Variants in ATP2C1 observed in about 807,000 individuals in gnomAD.
ATP2C1 encodes ATPase secretory pathway Ca2+ transporting 1.
Under a neutral mutation model 120.5 loss-of-function variants are expected in ATP2C1, and 31 were observed. The ratio of observed to expected loss-of-function variants is 0.26; its 90% CI spans 0.19 to 0.35. ATP2C1 has a LOEUF of 0.35. ATP2C1 is among the 10% of genes least tolerant of loss of function. The pLI is 1.00. For synonymous variants in ATP2C1, 351 were observed against 358.7 expected, an observed-to-expected ratio of 0.98 and a Z score of 0.24; for missense variants, 731 against 1,107.5, an observed-to-expected ratio of 0.66 and a Z score of 4.83.
At chr3:131,011,053 A>T (rs1306685077) in intron 26 of ATP2C1, among the ~76,000 whole-genome samples, 3 of 152,230 alleles carry the variant, frequency 2.0e-5, no homozygotes, top group Admixed American at 6.5e-5. Context: ...CAACTGAGGC[A>T]TAGTCATTGA....
intron 3 of ATP2C1, 40 bp from the exon 4 acceptor site, chr3:130,931,982 G>A (rs771043042): frequency 1.5e-6 from 2 of 1,295,770 alleles, no homozygotes; most frequent in South Asian, 2.4e-5. Flanking sequence ...TCTTTTCTGT[G>A]CTAACATTTT....
At chr3:130,941,521 A>T in intron 7 of ATP2C1, 70 bp from the exon 8 acceptor site, 1 of 1,315,256 alleles carries the variant, frequency 7.6e-7, no homozygotes, top group Non-Finnish European at 1.1e-6. Context: ...GCCTACTGGA[A>T]ATAATTTTTT....
chr3:130,978,118 C>T (rs1226161533), intron 18 of ATP2C1, among the ~76,000 whole-genome samples: 1 of 152,164 alleles, frequency 6.6e-6, no homozygotes. Flanking sequence ...ATATTTTTGT[C>T]ACTGTCCCCT....
intron 27 of ATP2C1, among the ~76,000 whole-genome samples, chr3:131,000,977 C>T (rs527951291): frequency 2.0e-5 from 3 of 152,132 alleles, no homozygotes; most frequent in Admixed American, 6.5e-5. Context: ...ATGGCACATG[C>T]CTGTAATCCC....
intron 8 of ATP2C1, among the ~76,000 whole-genome samples, chr3:130,952,860 G>C (rs1431392584): frequency 6.6e-6 from 1 of 152,164 alleles, no homozygotes; most frequent in African/African-American, 2.4e-5. Flanking sequence ...TCCACCCTGT[G>C]TTTGAGGTGG....
At chr3:130,961,544 T>A (rs939208308) in intron 12 of ATP2C1, among the ~76,000 whole-genome samples, 1 of 151,992 alleles carries the variant, frequency 6.6e-6, no homozygotes, top group South Asian at 2.1e-4. Context: ...ACTAAAACAA[T>A]AAGAAAGCAG....
At chr3:130,885,559 T>C (rs1354596365) in intron 1 of ATP2C1, among the ~76,000 whole-genome samples, 1 of 152,130 alleles carries the variant, frequency 6.6e-6, no homozygotes. Flanking sequence ...CCCATTATTT[T>C]AAACTTAAGA....
At chr3:130,987,660 G>A (rs912555641) in intron 20 of ATP2C1, among the ~76,000 whole-genome samples, 2 of 152,148 alleles carry the variant, frequency 1.3e-5, no homozygotes, top group African/African-American at 4.8e-5. Flanking sequence ...ACATCAGTTT[G>A]AATAACTTTT....
At chr3:131,007,963 G>T (rs1383679916), downstream of ATP2C1, among the ~76,000 whole-genome samples, 1 of 152,164 alleles carries the variant, frequency 6.6e-6, no homozygotes, top group Non-Finnish European at 1.5e-5. Flanking sequence ...TCCTATTCCT[G>T]TCTCATTCAT....
chr3:131,006,650 T>C (rs2063127917), downstream of ATP2C1, among the ~76,000 whole-genome samples: 1 of 145,802 alleles, frequency 6.9e-6, no homozygotes, highest in South Asian at 2.2e-4. Flanking sequence ...TGTGTGTGTG[T>C]GTGTGTGTGT....
At chr3:130,951,263 A>G (rs2108528440) in intron 8 of ATP2C1, among the ~76,000 whole-genome samples, 1 of 152,310 alleles carries the variant, frequency 6.6e-6, no homozygotes, top group African/African-American at 2.4e-5. Context: ...CCTCTAAATA[A>G]TTAAGAGGAA....
chr3:130,989,247 CA>C (rs71133625), intron 20 of ATP2C1, among the ~76,000 whole-genome samples: 92 of 121,956 alleles, frequency 7.5e-4, no homozygotes, highest in African/African-American at 2.5e-3. Context: ...AAATCCATCT[CA>C]AAAAAAAAAA....
chr3:130,962,618 C>T (rs752018223), intron 12 of ATP2C1, among the ~76,000 whole-genome samples: 1 of 145,986 alleles, frequency 6.8e-6, no homozygotes. Context: ...TATTCCTCTG[C>T]AAAGTTTTGC....
At chr3:130,897,152 A>G (rs1408079599) in intron 2 of ATP2C1, among the ~76,000 whole-genome samples, 2 of 152,232 alleles carry the variant, frequency 1.3e-5, no homozygotes, top group African/African-American at 2.4e-5. Flanking sequence ...GAACAGTAGT[A>G]GCCAAATGCT....
chr3:130,858,183 C>G (rs2067905314), intron 1 of ATP2C1, among the ~76,000 whole-genome samples: 1 of 152,132 alleles, frequency 6.6e-6, no homozygotes, highest in African/African-American at 2.4e-5. Flanking sequence ...GTCTGCCTCT[C>G]CCTGTCCACT....
chr3:130,864,287 G>C (rs1488509906), intron 1 of ATP2C1, among the ~76,000 whole-genome samples: 1 of 152,174 alleles, frequency 6.6e-6, no homozygotes, highest in Non-Finnish European at 1.5e-5. Context: ...ACTTAAGAAA[G>C]ATGATTTAGG....
At chr3:130,895,972 G>A (rs932307136) in intron 2 of ATP2C1, among the ~76,000 whole-genome samples, 1 of 152,196 alleles carries the variant, frequency 6.6e-6, no homozygotes, top group Non-Finnish European at 1.5e-5. Context: ...ACATTTGAAA[G>A]CAGTGATGTT....
chr3:130,897,653 T>C (rs1385559191), intron 2 of ATP2C1, among the ~76,000 whole-genome samples: 1 of 152,182 alleles, frequency 6.6e-6, no homozygotes, highest in African/African-American at 2.4e-5. Context: ...GTTTCATCCA[T>C]GTGTTGGTTC....
chr3:130,850,959 G>A, intron 1 of ATP2C1: 1 of 1,177,922 alleles, frequency 8.5e-7, no homozygotes. Context: ...TCTTTAAAAT[G>A]AACGGGTGCT....
Sources: gnomAD v4.1 joint callset for allele counts (sites outside exome capture counted in the v4.1 genomes callset) on GRCh38, gnomAD v4.1.1 for gene constraint, MANE v1.5 for transcripts, NCBI Gene and HGNC (gene_info 2026-07-23, HGNC 2026-07-21) for gene names.